The following LYN variants were observed in gnomAD, a reference collection of about 807,000 sequenced individuals.
LYN encodes tyrosine-protein kinase Lyn.
A neutral mutation model predicts 65.0 loss-of-function variants in LYN; 12 were observed. The observed-to-expected ratio is 0.18, with a 90% CI of 0.12 to 0.30. The LOEUF is 0.30. LYN is among the 10% of genes least tolerant of loss of function. The pLI, the probability that LYN is intolerant of heterozygous loss-of-function variation, is 1.00. For synonymous variants in LYN, 222 were observed against 221.2 expected (o/e 1.00, Z -0.03); for missense variants, 380 against 623.2 (o/e 0.61, Z 4.16).
chr8:56,009,881 T>C lies in LYN; in HGVS notation c.1337-27T>C, dbSNP rs773373382. 8 of 1,604,748 alleles carry C rather than the reference T, an allele frequency of 5.0e-6. No homozygotes were observed. The East Asian group carries it at 1.8e-4, about 36-fold the overall frequency. On this transcript the variant is annotated intron_variant, in intron 12 of 12. Coordinates refer to ENST00000519728, the MANE Select transcript of LYN (RefSeq NM_002350.4). ...CAGGTTTCTAAACGGCATGGGTTTC[T>C]GTTCTTTTTGTTTTTTTCCACCCTA...
intron 9 of LYN, among the ~76,000 whole-genome samples, chr8:55,968,793 A>T (rs546523383): frequency 2.7e-4 from 41 of 152,334 alleles, no homozygotes; most frequent in African/African-American, 9.1e-4. Flanking sequence ...CCTCTAGTAC[A>T]TGCCCATTTT....
intron 10 of LYN, among the ~76,000 whole-genome samples, chr8:55,979,672 G>A (rs923344958): frequency 3.9e-5 from 6 of 152,182 alleles, no homozygotes; most frequent in Non-Finnish European, 7.3e-5. Flanking sequence ...CCCAGGTTTT[G>A]CTGAGGTTCC....
At chr8:55,932,412 T>A (rs1322712400) in intron 1 of LYN, among the ~76,000 whole-genome samples, 2 of 111,848 alleles carry the variant, frequency 1.8e-5, no homozygotes, top group Admixed American at 1.6e-4. Flanking sequence ...ATATATATAT[T>A]TTTTGTTTGT....
At chr8:55,988,883 A>G (rs1051506803) in intron 10 of LYN, among the ~76,000 whole-genome samples, 1 of 152,010 alleles carries the variant, frequency 6.6e-6, no homozygotes, top group African/African-American at 2.4e-5. Flanking sequence ...TTAAAGTGAA[A>G]AAAAAAAACC....
At chr8:55,991,078 G>T (rs1275504067) in intron 10 of LYN, among the ~76,000 whole-genome samples, 2 of 152,198 alleles carry the variant, frequency 1.3e-5, no homozygotes, top group Admixed American at 6.5e-5. Flanking sequence ...AACTTAAGCA[G>T]CTGTGTCCAT....
Position 56,014,085 on chromosome 8 carries a change from A to G in LYN, c.*3975A>G, listed in dbSNP as rs546314145. On this transcript the variant is annotated 3_prime_UTR_variant, in exon 13 of 13. Coordinates refer to ENST00000519728, the MANE Select transcript of LYN (RefSeq NM_002350.4). ...ATGCTATCACTATTTCACAGCTGAG[A>G]GATCGGGAGCATTTAAAGCCACAGA... 2 of 152,346 alleles carry G rather than the reference A, an allele frequency of 1.3e-5. No individual in the cohort carries two copies. Among genetic ancestry groups the G allele is most frequent in the South Asian group, 4.1e-4 (2 of 4,824 alleles). 9.4% of individuals were successfully genotyped at this position (152,346 alleles called of 1,614,324 possible).
At chr8:55,952,245 T>C in intron 7 of LYN, 130 bp downstream of exon 7, 1 of 705,290 alleles carries the variant, frequency 1.4e-6, no homozygotes, top group East Asian at 3.1e-5. Context: ...CAGGTCATAT[T>C]CTATAAGTGG....
At chr8:56,009,685 T>TGTCA (rs1242201620) in intron 12 of LYN, among the ~76,000 whole-genome samples, 1 of 152,174 alleles carries the variant, frequency 6.6e-6, no homozygotes. Context: ...TATAAAGGCC[T>TGTCA]TATCTCTAAA....
chr8:55,956,799 G>A (rs563722183), intron 8 of LYN, among the ~76,000 whole-genome samples: 1 of 152,292 alleles, frequency 6.6e-6, no homozygotes, highest in South Asian at 2.1e-4. Context: ...GTATTGGCAG[G>A]AAAACCAGGA....
chr8:55,962,006 A>G (rs920088544), intron 8 of LYN, among the ~76,000 whole-genome samples: 1 of 152,168 alleles, frequency 6.6e-6, no homozygotes, highest in East Asian at 1.9e-4. Context: ...AATATAGCTC[A>G]GTTTTGCTGT....
chr8:55,899,528 A>G (rs1320347199), intron 1 of LYN, among the ~76,000 whole-genome samples: 1 of 152,244 alleles, frequency 6.6e-6, no homozygotes, highest in African/African-American at 2.4e-5. Flanking sequence ...TGCAGAGAAC[A>G]TTTATTGAGT....
chr8:55,885,011 T>C (rs1010926286), intron 1 of LYN, among the ~76,000 whole-genome samples: 14 of 152,246 alleles, frequency 9.2e-5, no homozygotes, highest in African/African-American at 3.1e-4. Flanking sequence ...GCTCTTTCAC[T>C]GAGCTTTATT....
intron 1 of LYN, among the ~76,000 whole-genome samples, chr8:55,927,112 C>T (rs1341437231): frequency 6.6e-6 from 1 of 152,196 alleles, no homozygotes; most frequent in East Asian, 1.9e-4. Flanking sequence ...TTAAAATCTA[C>T]AGTTTTCATT....
intron 12 of LYN, among the ~76,000 whole-genome samples, chr8:56,004,904 C>A (rs1324566477): frequency 6.6e-6 from 1 of 152,140 alleles, no homozygotes; most frequent in Non-Finnish European, 1.5e-5. Flanking sequence ...CTCGCCTCAG[C>A]CTCCTGAGTA....
intron 3 of LYN, among the ~76,000 whole-genome samples, chr8:55,946,735 A>G (rs571374826): frequency 3.3e-5 from 5 of 152,230 alleles, no homozygotes; most frequent in South Asian, 4.2e-4. Flanking sequence ...CCATTAAACA[A>G]TAAGTCCCCA....
intron 12 of LYN, among the ~76,000 whole-genome samples, chr8:56,005,706 G>A (rs1563331823): frequency 6.6e-6 from 1 of 152,200 alleles, no homozygotes; most frequent in Non-Finnish European, 1.5e-5. Context: ...AAAGAAAATA[G>A]TGAGGAGGAG....
At chr8:55,958,581 T>G (rs758712083) in intron 8 of LYN, among the ~76,000 whole-genome samples, 1 of 152,240 alleles carries the variant, frequency 6.6e-6, no homozygotes, top group African/African-American at 2.4e-5. Flanking sequence ...TCTCTTTTCA[T>G]CTGATAAAAC....
intron 10 of LYN, among the ~76,000 whole-genome samples, chr8:55,995,285 A>G (rs1323564754): frequency 6.6e-6 from 1 of 152,110 alleles, no homozygotes; most frequent in Non-Finnish European, 1.5e-5. Flanking sequence ...TTGACTTCCC[A>G]TCAAGGCTGT....
intron 10 of LYN, among the ~76,000 whole-genome samples, chr8:55,973,200 C>T (rs141412991): frequency 6.6e-6 from 1 of 152,286 alleles, no homozygotes; most frequent in East Asian, 1.9e-4. Context: ...CCCATTGAGA[C>T]AGAAAGTGGC....
Sources: gnomAD v4.1 joint callset for allele counts (sites outside exome capture counted in the v4.1 genomes callset) on GRCh38, gnomAD v4.1.1 for gene constraint, MANE v1.5 for transcripts, NCBI Gene and HGNC (gene_info 2026-07-23, HGNC 2026-07-21) for gene names.